The following IQGAP1 variants were observed in gnomAD, a reference collection of about 807,000 sequenced individuals.
IQGAP1 encodes ras GTPase-activating-like protein IQGAP1.
A neutral mutation model predicts 215.6 loss-of-function variants in IQGAP1; 66 were observed. The ratio of observed to expected loss-of-function variants is 0.31; its 90% CI spans 0.25 to 0.38. IQGAP1 has a LOEUF of 0.38. Among genes scored for constraint, IQGAP1 ranks in the 10% least tolerant of loss-of-function variants. The pLI, the probability that IQGAP1 is intolerant of heterozygous loss-of-function variation, is 1.00. For synonymous variants in IQGAP1, 772 were observed against 728.7 expected, an observed-to-expected ratio of 1.06 and a Z score of -0.96; for missense variants, 1,712 against 1,997.1, an observed-to-expected ratio of 0.86 and a Z score of 2.72.
intron 1 of IQGAP1, 50 bp downstream of exon 1, chr15:90,388,446 G>C: frequency 7.4e-7 from 1 of 1,343,644 alleles, no homozygotes; most frequent in Non-Finnish European, 9.9e-7. Flanking sequence ...GCTAATTGCA[G>C]ACGAGGCGCG....
intron 9 of IQGAP1, among the ~76,000 whole-genome samples, chr15:90,445,867 CAG>C (rs1965521530): frequency 6.9e-6 from 1 of 145,266 alleles, no homozygotes; most frequent in African/African-American, 2.6e-5. Context: ...TTTTTGGAGA[CAG>C]AGCCCAGGCT....
chr15:90,465,993 A>T lies in IQGAP1; in HGVS notation c.1777-8A>T. On this transcript the variant is annotated splice_region_variant and splice_polypyrimidine_tract_variant and intron_variant, in intron 15 of 37. Coordinates refer to ENST00000268182, the MANE Select transcript of IQGAP1 (RefSeq NM_003870.4). ...TGACTTTAATATTTTGCTTTTAATG[A>T]TATGTAGGAAATCCAGGATGAGTCA... The T allele has an allele frequency of 6.2e-7, 1 of 1,611,528 alleles. No homozygotes were observed. Among genetic ancestry groups the T allele is most frequent in the Non-Finnish European group, 8.5e-7 (1 of 1,177,764 alleles).
In IQGAP1 at chr15:90,453,297, G is replaced by C; in HGVS notation, c.1487+5G>C. On this transcript the variant is annotated splice_donor_5th_base_variant and intron_variant, in intron 13 of 37. Coordinates refer to ENST00000268182, the MANE Select transcript of IQGAP1 (RefSeq NM_003870.4). ...TGAGGAAGAAAACTGTCAGAGGTGG[G>C]TGTCCAGAGTGAAGGGAATAAATCC... 6.2e-7 allele frequency: 1 copy of C among 1,606,390 alleles called. No individual in the cohort carries two copies. The highest frequency in any genetic ancestry group is 8.5e-7 in the Non-Finnish European group (1 of 1,175,868).
intron 11 of IQGAP1, among the ~76,000 whole-genome samples, chr15:90,452,423 G>A (rs1240172347): frequency 1.3e-5 from 2 of 152,192 alleles, no homozygotes; most frequent in African/African-American, 4.8e-5. Context: ...AAAGATTGTA[G>A]AAAGCTTTGA....
chr15:90,411,135 G>A (rs982437002), intron 2 of IQGAP1, among the ~76,000 whole-genome samples: 1 of 152,052 alleles, frequency 6.6e-6, no homozygotes, highest in African/African-American at 2.4e-5. Context: ...CATTCCTCTG[G>A]GAAACTCACT....
chr15:90,414,782 C>T (rs2151008927), intron 2 of IQGAP1, among the ~76,000 whole-genome samples: 1 of 152,166 alleles, frequency 6.6e-6, no homozygotes, highest in South Asian at 2.1e-4. Context: ...CTCCTGAGAC[C>T]TGTGTTTCCA....
intron 2 of IQGAP1, among the ~76,000 whole-genome samples, chr15:90,414,635 T>C (rs1206903683): frequency 1.3e-5 from 2 of 152,184 alleles, no homozygotes; most frequent in African/African-American, 2.4e-5. Flanking sequence ...CTTTGTCTCT[T>C]TCACCTCTTA....
chr15:90,427,311 A>G (rs1211705137), intron 3 of IQGAP1, among the ~76,000 whole-genome samples: 2 of 152,216 alleles, frequency 1.3e-5, no homozygotes, highest in Admixed American at 6.5e-5. Context: ...ACTTCATGAA[A>G]AAACATCACC....
chr15:90,403,384 A>G lies in IQGAP1; in HGVS notation c.155+12511A>G, dbSNP rs73474987. On this transcript the variant is annotated intron_variant, in intron 2 of 37. Coordinates refer to ENST00000268182, the MANE Select transcript of IQGAP1 (RefSeq NM_003870.4). Reference sequence around the variant, plus strand: ...TAAAAATTTGAGAATCCCCATAGGAATGTTTTTTAGATAGATTTGGTCTTA... The same window carrying G: ...TAAAAATTTGAGAATCCCCATAGGAGTGTTTTTTAGATAGATTTGGTCTTA... 5.3e-3 allele frequency among the ~76,000 whole-genome samples: 813 copies of G among 152,348 alleles called. 11 individuals carry two copies. The highest frequency in any genetic ancestry group is 0.019 in the African/African-American group (797 of 41,574).
chr15:90,428,192 C>T (rs1596261716), intron 3 of IQGAP1, among the ~76,000 whole-genome samples: 1 of 152,022 alleles, frequency 6.6e-6, no homozygotes, highest in Non-Finnish European at 1.5e-5. Flanking sequence ...CCCACCTCAG[C>T]CTCCCTAGTA....
chr15:90,411,373 A>G (rs1429085283), intron 2 of IQGAP1, among the ~76,000 whole-genome samples: 1 of 151,840 alleles, frequency 6.6e-6, no homozygotes, highest in Non-Finnish European at 1.5e-5. Flanking sequence ...CAACACCCCC[A>G]GGCTCAGATG....
chr15:90,401,900 T>A (rs562931289), intron 2 of IQGAP1, among the ~76,000 whole-genome samples: 1 of 152,364 alleles, frequency 6.6e-6, no homozygotes, highest in Non-Finnish European at 1.5e-5. Flanking sequence ...AGATAGGCAT[T>A]ATTTTTATTT....
chr15:90,395,481 T>C (rs1020186473), intron 2 of IQGAP1, among the ~76,000 whole-genome samples: 12 of 152,146 alleles, frequency 7.9e-5, no homozygotes, highest in South Asian at 4.2e-4. Flanking sequence ...CCACCACGCC[T>C]GGCTAATTTT....
intron 14 of IQGAP1, 104 bp from the exon 15 acceptor site, chr15:90,456,048 G>C (rs1965674844): frequency 1.1e-6 from 1 of 930,496 alleles, no homozygotes; most frequent in Non-Finnish European, 1.6e-6. Flanking sequence ...TTGAATCATG[G>C]TTACTCTTAG....
intron 28 of IQGAP1, chr15:90,482,728 C>G: frequency 2.0e-6 from 2 of 996,342 alleles, no homozygotes; most frequent in Non-Finnish European, 2.4e-6. Context: ...AGTGAGGCCT[C>G]GATTCTAGAC....
chr15:90,492,521 C>T, intron 34 of IQGAP1, 24 bp from the exon 35 acceptor site: 2 of 1,488,826 alleles, frequency 1.3e-6, no homozygotes, highest in African/African-American at 1.4e-5. Context: ...CGTTATTTTT[C>T]TAACTTTAAT....
chr15:90,456,821 G>A (rs549826377), intron 15 of IQGAP1, among the ~76,000 whole-genome samples: 1 of 150,948 alleles, frequency 6.6e-6, no homozygotes, highest in East Asian at 1.9e-4. Context: ...CTGAGAGGTG[G>A]AGGTTGCAGT....
intron 10 of IQGAP1, 65 bp from the exon 11 acceptor site, chr15:90,449,494 A>G: frequency 7.6e-7 from 1 of 1,313,992 alleles, no homozygotes; most frequent in East Asian, 2.5e-5. Flanking sequence ...TTGAGAGATG[A>G]GAACCTTAAG....
chr15:90,439,259 T>C lies in IQGAP1; in HGVS notation c.468-73T>C, dbSNP rs542493282. ...AATACTTCTATTTTATACTTCATGC[T>C]GATTTTCGCCTTTTAAGGGTGGCAG... On this transcript the variant is annotated intron_variant, in intron 5 of 37. Coordinates refer to ENST00000268182, the MANE Select transcript of IQGAP1 (RefSeq NM_003870.4). 1.4e-5 allele frequency: 15 copies of C among 1,055,450 alleles called. No homozygotes were observed. In the African/African-American group the frequency reaches 2.0e-4, roughly 14 times the overall value. The allele number at this position is 1,055,450 out of a possible 1,614,324, so 65.4% of individuals were successfully genotyped here.
Sources: gnomAD v4.1 joint callset for allele counts (sites outside exome capture counted in the v4.1 genomes callset) on GRCh38, gnomAD v4.1.1 for gene constraint, MANE v1.5 for transcripts, NCBI Gene and HGNC (gene_info 2026-07-23, HGNC 2026-07-21) for gene names.